The following FHIT variants were observed in gnomAD, a reference collection of about 807,000 sequenced individuals.
FHIT encodes bis(5'-adenosyl)-triphosphatase.
FHIT carries 19 observed loss-of-function variants against 17.9 expected under a neutral mutation model. The ratio of observed to expected loss-of-function variants is 1.06; its 90% CI spans 0.74 to 1.56. The LOEUF (loss-of-function observed/expected upper bound fraction) is 1.56, where lower values mean the gene tolerates loss of function less well. Ranked by LOEUF, FHIT falls within the 40% of genes most tolerant of loss-of-function variation. The pLI is 0.00. For missense variants in FHIT, 248 were observed against 189.2 expected (o/e 1.31, Z -1.82); for synonymous variants, 81 against 69.7 (o/e 1.16, Z -0.81).
chr3:60,477,410 C>A (rs545687401), intron 5 of FHIT, among the ~76,000 whole-genome samples: 1 of 152,010 alleles, frequency 6.6e-6, no homozygotes, highest in Non-Finnish European at 1.5e-5. Context: ...TTTATGCCTG[C>A]CTTTGGATTT....
intron 3 of FHIT, among the ~76,000 whole-genome samples, chr3:60,883,602 A>G (rs1705069471): frequency 6.6e-6 from 1 of 152,198 alleles, no homozygotes; most frequent in South Asian, 2.1e-4. Context: ...TGCCAAAAAC[A>G]TTGAGTGTGC....
At chr3:60,774,520 C>T (rs1292539793) in intron 4 of FHIT, among the ~76,000 whole-genome samples, 2 of 152,014 alleles carry the variant, frequency 1.3e-5, no homozygotes, top group African/African-American at 4.8e-5. Flanking sequence ...AGGCTGGTCT[C>T]GAACTCCTGA....
intron 3 of FHIT, among the ~76,000 whole-genome samples, chr3:60,975,403 A>G (rs1235873326): frequency 6.6e-6 from 1 of 152,232 alleles, no homozygotes; most frequent in East Asian, 1.9e-4. Flanking sequence ...CTCTGAAAAT[A>G]TGCCCAGTTA....
chr3:61,154,754 C>T (rs748081940), intron 2 of FHIT, among the ~76,000 whole-genome samples: 25 of 152,162 alleles, frequency 1.6e-4, no homozygotes, highest in Admixed American at 3.9e-4. Context: ...ATTGACTCTC[C>T]CTTGAGGTGG....
At chr3:59,893,498 T>C (rs978237817) in intron 8 of FHIT, among the ~76,000 whole-genome samples, 5 of 152,174 alleles carry the variant, frequency 3.3e-5, no homozygotes, top group Admixed American at 3.3e-4. Flanking sequence ...GCATCTCCCA[T>C]TAATGGAGAA....
intron 3 of FHIT, among the ~76,000 whole-genome samples, chr3:60,844,521 T>A (rs1382281046): frequency 3.9e-5 from 6 of 152,086 alleles, no homozygotes; most frequent in South Asian, 2.1e-4. Flanking sequence ...TAAAAAAAAA[T>A]TTCTGCCACT....
At chr3:60,173,567 T>A (rs537376047) in intron 5 of FHIT, among the ~76,000 whole-genome samples, 113 of 152,108 alleles carry the variant, frequency 7.4e-4, no homozygotes, top group African/African-American at 2.6e-3. Context: ...GGACACAGGA[T>A]GACAAATGGG....
intron 3 of FHIT, among the ~76,000 whole-genome samples, chr3:60,834,116 C>A (rs1406791704): frequency 6.6e-6 from 1 of 152,128 alleles, no homozygotes; most frequent in East Asian, 1.9e-4. Flanking sequence ...TTGGTGTGAA[C>A]ATAAGCTTTT....
At chr3:60,921,808 G>T (rs949648274) in intron 3 of FHIT, among the ~76,000 whole-genome samples, 2 of 152,142 alleles carry the variant, frequency 1.3e-5, no homozygotes, top group African/African-American at 2.4e-5. Flanking sequence ...GGTCCATCTG[G>T]GGCAGCTTAG....
At chr3:60,881,166 A>G (rs1175077606) in intron 3 of FHIT, among the ~76,000 whole-genome samples, 1 of 152,244 alleles carries the variant, frequency 6.6e-6, no homozygotes, top group African/African-American at 2.4e-5. Flanking sequence ...CAGATAAAAC[A>G]GACTTTAAGT....
At chr3:60,743,487 A>G (rs1489557424) in intron 4 of FHIT, among the ~76,000 whole-genome samples, 3 of 152,182 alleles carry the variant, frequency 2.0e-5, no homozygotes, top group African/African-American at 7.2e-5. Flanking sequence ...AGAGGTAGGA[A>G]AAATGTGTTT....
chr3:60,513,006 T>C (rs2035008031), intron 5 of FHIT, among the ~76,000 whole-genome samples: 1 of 152,090 alleles, frequency 6.6e-6, no homozygotes, highest in South Asian at 2.1e-4. Context: ...ATATGGAAAA[T>C]ATGATATTAC....
intron 4 of FHIT, among the ~76,000 whole-genome samples, chr3:60,719,417 G>A (rs1716744): frequency 6.6e-6 from 1 of 152,158 alleles, no homozygotes; most frequent in Non-Finnish European, 1.5e-5. Context: ...ACAGGTAAAT[G>A]CAAATTTCTT....
chr3:60,687,462 G>A (rs1419390358), intron 4 of FHIT, among the ~76,000 whole-genome samples: 2 of 151,996 alleles, frequency 1.3e-5, no homozygotes, highest in Non-Finnish European at 2.9e-5. Flanking sequence ...TCTTTTCCAA[G>A]CTACTGATTT....
intron 5 of FHIT, among the ~76,000 whole-genome samples, chr3:60,337,248 T>C (rs1559831738): frequency 1.3e-5 from 2 of 152,148 alleles, no homozygotes; most frequent in Admixed American, 6.5e-5. Flanking sequence ...TTCTCTATTT[T>C]TTTTTTCCGC....
chr3:60,558,456 G>C lies in FHIT; in HGVS notation c.-17-21477C>G, dbSNP rs994413976. On this transcript the variant is annotated intron_variant, in intron 4 of 9. Coordinates refer to ENST00000492590, the MANE Select transcript of FHIT (RefSeq NM_002012.4). ...AGGCAGAGTCATATAGGGAGCTCAGGAGAGTTTGAGTATGCCATTGGCCTG... is the reference window on the plus strand; with the variant it reads ...AGGCAGAGTCATATAGGGAGCTCAGCAGAGTTTGAGTATGCCATTGGCCTG... Among the ~76,000 whole-genome samples, 3 of 151,922 alleles carry C rather than the reference G, an allele frequency of 2.0e-5. No individual in the cohort carries two copies. The South Asian group carries it at 6.3e-4, about 32-fold the overall frequency.
chr3:60,309,114 T>G (rs192248229), intron 5 of FHIT, among the ~76,000 whole-genome samples: 1 of 152,260 alleles, frequency 6.6e-6, no homozygotes, highest in Admixed American at 6.5e-5. Context: ...GCTCTGTAGT[T>G]CCATTATGTT....
chr3:60,452,828 C>G (rs1033786617), intron 5 of FHIT, among the ~76,000 whole-genome samples: 10 of 152,178 alleles, frequency 6.6e-5, no homozygotes, highest in Non-Finnish European at 1.3e-4. Flanking sequence ...ACAATATTAA[C>G]TCCAAATAAG....
chr3:61,211,507 T>C (rs911508083), intron 1 of FHIT, among the ~76,000 whole-genome samples: 6 of 152,136 alleles, frequency 3.9e-5, no homozygotes, highest in African/African-American at 1.4e-4. Context: ...CCAGGAAGCA[T>C]GAACTGGGTA....
Sources: allele counts gnomAD v4.1 joint callset (sites outside exome capture counted in the v4.1 genomes callset), GRCh38; gene constraint gnomAD v4.1.1; transcripts MANE v1.5; gene names NCBI Gene and HGNC (gene_info 2026-07-23, HGNC 2026-07-21).